Variants in UBE2F observed in about 807,000 individuals in gnomAD.
UBE2F encodes NEDD8-conjugating enzyme UBE2F.
A neutral mutation model predicts 29.6 loss-of-function variants in UBE2F; 5 were observed. The observed-to-expected ratio is 0.17, with a 90% confidence interval of 0.09 to 0.36. The LOEUF (loss-of-function observed/expected upper bound fraction) is 0.36. Ranked by LOEUF, UBE2F falls within the 10% of genes least tolerant of loss-of-function variation. The pLI is 1.00. For synonymous variants in UBE2F, 66 were observed against 81.8 expected (o/e 0.81, Z 1.04); for missense variants, 141 against 228.5 (o/e 0.62, Z 2.47).
At chr2:237,969,732 G>T (rs1426121417) in intron 1 of UBE2F, among the ~76,000 whole-genome samples, 2 of 152,152 alleles carry the variant, frequency 1.3e-5, no homozygotes, top group Non-Finnish European at 2.9e-5. Flanking sequence ...AGGGATTTTT[G>T]ACAAGATCAT....
chr2:238,005,597 G>GTTTTCTGGTTTTTT (rs1304649823), intron 4 of UBE2F, among the ~76,000 whole-genome samples: 1 of 70,308 alleles, frequency 1.4e-5, no homozygotes, highest in Non-Finnish European at 2.6e-5. Flanking sequence ...GAAGAGTGTA[G>GTTTTCTGGTTTTTT]TTTTCTGGTT....
intron 2 of UBE2F, among the ~76,000 whole-genome samples, chr2:237,979,168 A>G (rs1226919358): frequency 6.6e-6 from 1 of 152,166 alleles, no homozygotes; most frequent in Non-Finnish European, 1.5e-5. Context: ...GGGGAGCTAA[A>G]GGGGGTTGAT....
Position 237,981,264 on chromosome 2 carries a change from TA to T in UBE2F, c.119-6697del, listed in dbSNP as rs1264884668. 2.0e-5 allele frequency among the ~76,000 whole-genome samples: 3 copies of T among 152,222 alleles called. 1 individual carries two copies. Among genetic ancestry groups the T allele is most frequent in the African/African-American group, 7.2e-5 (3 of 41,464 alleles). On this transcript the variant is annotated intron_variant, in intron 2 of 9. Coordinates refer to ENST00000272930, the MANE Select transcript of UBE2F (RefSeq NM_080678.3). ...TAATAGTCTTACTGCACCTTGACTC[TA>T]AGGTGATAACTGTTGATGTTAGTGA...
At chr2:237,996,894 T>TAA (rs1171373515) in intron 4 of UBE2F, among the ~76,000 whole-genome samples, 3 of 152,202 alleles carry the variant, frequency 2.0e-5, no homozygotes, top group Non-Finnish European at 4.4e-5. Flanking sequence ...GCATAATTGT[T>TAA]ACAGTTTTTG....
At chr2:238,001,725 C>T (rs985655036) in intron 4 of UBE2F, among the ~76,000 whole-genome samples, 2 of 151,976 alleles carry the variant, frequency 1.3e-5, no homozygotes, top group Admixed American at 6.6e-5. Context: ...GAGGCTGAGG[C>T]AGGAGAATGG....
intron 4 of UBE2F, among the ~76,000 whole-genome samples, chr2:238,009,887 C>G (rs1364687776): frequency 4.6e-5 from 7 of 152,170 alleles, no homozygotes; most frequent in Non-Finnish European, 1.0e-4. Context: ...TGAAATGTTT[C>G]CAGTGTAGAA....
In UBE2F at chr2:238,040,547, G is replaced by A. The variant is rs1379238477; in HGVS notation, c.508-741G>A. ...GACCCAGCAGCTGTGTTGTAGGAGTGAGAGGGTTAAGAGCTCCAAGTCATT... is the reference window on the plus strand; with the variant it reads ...GACCCAGCAGCTGTGTTGTAGGAGTAAGAGGGTTAAGAGCTCCAAGTCATT... On this transcript the variant is annotated intron_variant, in intron 9 of 9. Coordinates refer to ENST00000272930, the MANE Select transcript of UBE2F (RefSeq NM_080678.3). The surrounding 1 kb of genome is among the most constrained non-coding windows in gnomAD (Gnocchi z 4.4). Among the ~76,000 whole-genome samples, 2 of 152,150 alleles carry A rather than the reference G, an allele frequency of 1.3e-5. No individual in the cohort carries two copies. Among genetic ancestry groups the A allele is most frequent in the Non-Finnish European group, 2.9e-5 (2 of 68,026 alleles).
chr2:237,970,622 G>A (rs1485349153), intron 1 of UBE2F, among the ~76,000 whole-genome samples: 2 of 152,232 alleles, frequency 1.3e-5, no homozygotes, highest in Non-Finnish European at 2.9e-5. Context: ...AAGGGGTTTA[G>A]GGTATGTGTA....
At position 237,967,684 on chromosome 2, in the gene UBE2F, C is replaced by T. The variant is rs1207433292; in HGVS notation, c.-17+552C>T. Among the ~76,000 whole-genome samples the T allele has an allele frequency of 2.6e-5, 4 of 152,164 alleles. No individual in the cohort carries two copies. Among genetic ancestry groups the T allele is most frequent in the Non-Finnish European group, 5.9e-5 (4 of 68,028 alleles). On this transcript the variant is annotated intron_variant, in intron 1 of 9. Transcript: ENST00000272930. This position sits in a 1 kb window ranked among gnomAD's most constrained non-coding sequence, Gnocchi z 6.3. ...TCGCGCCCGGTCCTCGTACCTGCAG[C>T]GGGAAGAGTAAGTATGGACGCTTAC...
intron 4 of UBE2F, among the ~76,000 whole-genome samples, chr2:238,010,144 A>G (rs2063989827): frequency 6.6e-6 from 1 of 152,026 alleles, no homozygotes; most frequent in Admixed American, 6.6e-5. Context: ...GTAACTAGAT[A>G]TACAGGTAGA....
chr2:237,970,500 C>A (rs554179342), intron 1 of UBE2F, among the ~76,000 whole-genome samples: 11 of 152,202 alleles, frequency 7.2e-5, no homozygotes, highest in Non-Finnish European at 1.6e-4. Context: ...CTGGGGTCCA[C>A]ATGTTAAAAT....
At position 237,967,109 on chromosome 2, in the gene UBE2F, C is replaced by T. The variant is rs564001701; in HGVS notation, c.-40C>T. ...GGCATGGTGTTGGGCGCCGGGCCCGCCTCGCCTGTCTCGGGGAGCCCAGGT... is the reference window on the plus strand; with the variant it reads ...GGCATGGTGTTGGGCGCCGGGCCCGTCTCGCCTGTCTCGGGGAGCCCAGGT... On this transcript the variant is annotated 5_prime_UTR_variant, in exon 1 of 10. Transcript: ENST00000272930. The surrounding 1 kb of genome is among the most constrained non-coding windows in gnomAD (Gnocchi z 6.3). The T allele has an allele frequency of 3.5e-4, 469 of 1,343,274 alleles. 1 individual carries two copies. Among genetic ancestry groups the T allele is most frequent in the African/African-American group, 2.7e-3 (179 of 65,518 alleles). 83.2% of individuals were successfully genotyped at this position (1,343,274 alleles called of 1,614,324 possible). A position where few individuals can be genotyped will look rare whatever the true frequency, so the allele number is the denominator to read the frequency against.
intron 3 of UBE2F, among the ~76,000 whole-genome samples, chr2:237,990,093 G>C (rs985370532): frequency 1.4e-5 from 2 of 140,554 alleles, no homozygotes; most frequent in Admixed American, 7.4e-5. Context: ...ACTCCTGGGC[G>C]ATGGAGTGAG....
chr2:238,036,839 T>C (rs753888400), intron 9 of UBE2F, among the ~76,000 whole-genome samples: 8 of 151,894 alleles, frequency 5.3e-5, no homozygotes, highest in Non-Finnish European at 1.0e-4. Context: ...AATAAGTAAA[T>C]AGTAGGAACA....
chr2:238,001,837 A>G (rs1361734961), intron 4 of UBE2F, among the ~76,000 whole-genome samples: 2 of 152,172 alleles, frequency 1.3e-5, no homozygotes, highest in African/African-American at 2.4e-5. Context: ...AACAAAAAAC[A>G]AAACAAAACA....
chr2:237,999,479 A>G (rs1164361793), intron 4 of UBE2F, among the ~76,000 whole-genome samples: 1 of 152,114 alleles, frequency 6.6e-6, no homozygotes, highest in African/African-American at 2.4e-5. Flanking sequence ...ATATGCTCCT[A>G]TGTTTTTTTC....
At chr2:238,014,239 A>G (rs959879105) in intron 4 of UBE2F, among the ~76,000 whole-genome samples, 1 of 152,252 alleles carries the variant, frequency 6.6e-6, no homozygotes, top group Non-Finnish European at 1.5e-5. Flanking sequence ...AATTAACAAT[A>G]ATAAATAAGC....
intron 4 of UBE2F, among the ~76,000 whole-genome samples, chr2:238,014,730 T>C (rs1054717617): frequency 2.0e-5 from 3 of 152,232 alleles, no homozygotes; most frequent in African/African-American, 4.8e-5. Context: ...AAGCCTGGCA[T>C]TGGATTTCTG....
At chr2:238,001,249 T>C (rs1271918905) in intron 4 of UBE2F, among the ~76,000 whole-genome samples, 2 of 152,030 alleles carry the variant, frequency 1.3e-5, no homozygotes, top group Non-Finnish European at 2.9e-5. Flanking sequence ...GTCAGGCTGG[T>C]CTCGAACTCC....
Sources: allele counts gnomAD v4.1 joint callset (sites outside exome capture counted in the v4.1 genomes callset), GRCh38; gene constraint gnomAD v4.1.1; non-coding constraint Gnocchi (gnomAD v3.1); transcripts MANE v1.5; gene names NCBI Gene and HGNC (gene_info 2026-07-23, HGNC 2026-07-21).